Variants in SNX18 observed in about 807,000 individuals in gnomAD.
SNX18 encodes the protein sorting nexin 18.
A neutral mutation model predicts 48.7 loss-of-function variants in SNX18; 35 were observed. The observed-to-expected ratio is 0.72, with a 90% CI of 0.55 to 0.95. SNX18 has a LOEUF of 0.95. SNX18 is among the 40% of genes least tolerant of loss of function. The pLI is 0.00. For synonymous variants in SNX18, 492 were observed against 384.7 expected (o/e 1.28, Z -3.26); for missense variants, 824 against 871.0 (o/e 0.95, Z 0.68).
rs1037854487 is a variant in SNX18, at chr5:54,546,558, A to T, written c.*3126A>T. On this transcript the variant is annotated 3_prime_UTR_variant, in exon 2 of 2. Transcript: ENST00000381410. ...GCAGATCAGCCATGTTTATCTTTTT[A>T]AAAAATAAACAGGTTGCTTTATTTC... The T allele has an allele frequency of 3.3e-5, 5 of 152,222 alleles. No individual in the cohort carries two copies. The highest frequency in any genetic ancestry group is 4.8e-5 in the African/African-American group (2 of 41,470). 9.4% of individuals were successfully genotyped at this position (152,222 alleles called of 1,614,324 possible).
chr5:54,620,520 C>G, the SNX18 span, among the ~76,000 whole-genome samples: 1 of 152,196 alleles, frequency 6.6e-6, no homozygotes, highest in African/African-American at 2.4e-5. Context: ...AGTATTGGAG[C>G]CCATTGATGT....
chr5:54,580,256 T>A, the SNX18 span, among the ~76,000 whole-genome samples: 2 of 152,226 alleles, frequency 1.3e-5, no homozygotes, highest in Admixed American at 1.3e-4. Flanking sequence ...TTCCTCTCAC[T>A]AAGTTTAGGT....
chr5:54,641,621 G>A, the SNX18 span, among the ~76,000 whole-genome samples: 1 of 152,092 alleles, frequency 6.6e-6, no homozygotes, highest in South Asian at 2.1e-4. Flanking sequence ...GGTTTTCAAA[G>A]AGCTTTGAGT....
chr5:54,569,804 A>G, the SNX18 span, among the ~76,000 whole-genome samples: 5 of 152,328 alleles, frequency 3.3e-5, no homozygotes, highest in Non-Finnish European at 7.4e-5. Flanking sequence ...CTTGGAAGAC[A>G]TATAGTGTCA....
rs112138570 is a variant in SNX18 at position 54,534,492 on chromosome 5, C to T, written c.1622-8687C>T. On this transcript the variant is annotated intron_variant, in intron 1 of 1. Coordinates refer to ENST00000381410, the MANE Select transcript of SNX18 (RefSeq NM_001102575.2). ...GGAAAACGGTAAGGAGGCCAGACAG[C>T]TTCTTTAAAGGGAGGGCAGGGCCTT... 5.4e-3 allele frequency among the ~76,000 whole-genome samples: 827 copies of T among 152,068 alleles called. 10 individuals are homozygous for T. Among genetic ancestry groups the T allele is most frequent in the African/African-American group, 0.019 (792 of 41,494 alleles).
At chr5:54,639,819 G>A in the SNX18 span, among the ~76,000 whole-genome samples, 2 of 152,306 alleles carry the variant, frequency 1.3e-5, no homozygotes, top group African/African-American at 2.4e-5. Context: ...GCCTCCTGGG[G>A]TTAAGTGATT....
At chr5:54,618,068 G>A in the SNX18 span, among the ~76,000 whole-genome samples, 3 of 152,206 alleles carry the variant, frequency 2.0e-5, no homozygotes, top group Admixed American at 6.5e-5. Context: ...GTCATGGGAG[G>A]GACCCAGTAG....
At chr5:54,618,319 G>C in the SNX18 span, among the ~76,000 whole-genome samples, 1 of 152,208 alleles carries the variant, frequency 6.6e-6, no homozygotes, top group East Asian at 1.9e-4. Flanking sequence ...AAATGACCCA[G>C]GCTTGGGCAG....
chr5:54,597,794 C>T, the SNX18 span, among the ~76,000 whole-genome samples: 16 of 151,988 alleles, frequency 1.1e-4, no homozygotes, highest in African/African-American at 3.9e-4. Context: ...CTAGAAAGAT[C>T]TCAAATCTAC....
the SNX18 span, among the ~76,000 whole-genome samples, chr5:54,565,680 T>C: frequency 6.6e-6 from 1 of 152,334 alleles, no homozygotes; most frequent in East Asian, 1.9e-4. Flanking sequence ...TAAAACTTTA[T>C]GTACCTGTTT....
the SNX18 span, chr5:54,645,729 G>C: frequency 2.6e-5 from 4 of 152,224 alleles, no homozygotes; most frequent in African/African-American, 9.6e-5. Context: ...ACACCGAATA[G>C]AGAGTGAATT....
the SNX18 span, among the ~76,000 whole-genome samples, chr5:54,605,089 A>G: frequency 6.6e-6 from 1 of 152,176 alleles, no homozygotes; most frequent in Non-Finnish European, 1.5e-5. Context: ...ATCAAAATGT[A>G]AGATCTAAGA....
chr5:54,533,057 G>A (rs1370915372), intron 1 of SNX18, among the ~76,000 whole-genome samples: 1 of 152,108 alleles, frequency 6.6e-6, no homozygotes, highest in Non-Finnish European at 1.5e-5. Flanking sequence ...ATGAAATCAA[G>A]CTTAGAGGCC....
intron 1 of SNX18, among the ~76,000 whole-genome samples, chr5:54,529,347 G>A (rs146250280): frequency 2.6e-5 from 4 of 152,266 alleles, no homozygotes; most frequent in Non-Finnish European, 4.4e-5. Context: ...CAGCCCACGG[G>A]CCAGATTCAC....
chr5:54,623,501 G>C, the SNX18 span, among the ~76,000 whole-genome samples: 1 of 151,924 alleles, frequency 6.6e-6, no homozygotes, highest in Non-Finnish European at 1.5e-5. Context: ...GGATGGATCA[G>C]ACCAGCCTAG....
At chr5:54,529,597 T>A (rs1328781515) in intron 1 of SNX18, among the ~76,000 whole-genome samples, 1 of 152,072 alleles carries the variant, frequency 6.6e-6, no homozygotes, top group Admixed American at 6.6e-5. Context: ...TACTACGTGA[T>A]AGGCAGTATT....
At chr5:54,571,783 C>T in the SNX18 span, among the ~76,000 whole-genome samples, 5 of 152,292 alleles carry the variant, frequency 3.3e-5, no homozygotes, top group African/African-American at 1.2e-4. Flanking sequence ...TATGTATGGT[C>T]TCAGCAGGCT....
the SNX18 span, among the ~76,000 whole-genome samples, chr5:54,562,714 A>G: frequency 2.0e-5 from 3 of 152,232 alleles, no homozygotes. Flanking sequence ...TATTTACTGT[A>G]CTATACGTTT....
chr5:54,646,740 C>CACATG, the SNX18 span, among the ~76,000 whole-genome samples: 3 of 152,210 alleles, frequency 2.0e-5, no homozygotes, highest in Non-Finnish European at 4.4e-5. Context: ...GATGCTGCCA[C>CACATG]CTTTTCATGT....
Sources: gnomAD v4.1 joint callset for allele counts (sites outside exome capture counted in the v4.1 genomes callset) on GRCh38, gnomAD v4.1.1 for gene constraint, MANE v1.5 for transcripts, NCBI Gene and HGNC (gene_info 2026-07-23, HGNC 2026-07-21) for gene names.